The following TENM2 variants were observed in gnomAD, a reference collection of about 807,000 sequenced individuals.
The protein encoded by TENM2 is teneurin transmembrane protein 2, also known as teneurin-2.
Under a neutral mutation model 245.2 loss-of-function variants are expected in TENM2, and 52 were observed. The observed-to-expected ratio is 0.21, with a 90% CI of 0.17 to 0.27. TENM2 has a LOEUF of 0.27. Among genes scored for constraint, TENM2 ranks in the 10% least tolerant of loss-of-function variants. TENM2 has a pLI of 1.00. For missense variants in TENM2, 3,046 were observed against 3,666.8 expected (o/e 0.83, Z 4.37); for synonymous variants, 1,363 against 1,438.9 (o/e 0.95, Z 1.19).
chr5:167,216,444 C>T, the TENM2 span, among the ~76,000 whole-genome samples: 1 of 152,158 alleles, frequency 6.6e-6, no homozygotes, highest in South Asian at 2.1e-4. Flanking sequence ...TATTTAGTCT[C>T]CTCTTCTGCA....
the TENM2 span, among the ~76,000 whole-genome samples, chr5:167,233,055 G>A: frequency 6.6e-6 from 1 of 152,158 alleles, no homozygotes; most frequent in African/African-American, 2.4e-5. Flanking sequence ...ACAGTGTCAG[G>A]TAGCATATGC....
At position 167,586,292 on chromosome 5, in the gene TENM2, A is replaced by C. The variant is rs557959139; in HGVS notation, c.502+210819A>C. ...TATGTAGGTTATACGCAAATACTGC[A>C]CCAGTTTATTTGAGGGACTTGAGCA... On this transcript the variant is annotated intron_variant, in intron 2 of 28. Coordinates refer to ENST00000518659, the Ensembl canonical transcript of TENM2. Among the ~76,000 whole-genome samples the C allele has an allele frequency of 4.6e-5, 7 of 152,318 alleles. No homozygotes were observed. The South Asian group carries it at 1.4e-3, about 32-fold the overall frequency.
chr5:168,218,233 A>C lies in TENM2; in HGVS notation c.4342A>C (p.Ile1448Leu). The stretch of plus-strand genomic sequence containing the variant: ...AATCACCGAGAACCACCAAGTCAGC[A>C]TCATTGCGGGACGCCCCATGCACTG... Residue 1448 changes from isoleucine (I) to leucine (L), a missense_variant, in exon 23 of 29, where the codon ATC becomes CTC. Ile to Leu is a conservative substitution (Grantham distance 5, BLOSUM62 2). Transcript: ENST00000518659. This position sits in a 1 kb window ranked among gnomAD's most constrained non-coding sequence, Gnocchi z 5.2. 1 of 1,613,846 alleles carries C rather than the reference A, an allele frequency of 6.2e-7. No homozygotes were observed. Among genetic ancestry groups the C allele is most frequent in the South Asian group, 1.1e-5 (1 of 91,056 alleles).
chr5:167,486,561 C>T (rs929006919), intron 2 of TENM2, among the ~76,000 whole-genome samples: 3 of 152,112 alleles, frequency 2.0e-5, no homozygotes, highest in Non-Finnish European at 4.4e-5. Flanking sequence ...ATCTCCTGAC[C>T]TTGTGATCTG....
intron 9 of TENM2, among the ~76,000 whole-genome samples, chr5:168,103,934 C>T (rs950843352): frequency 6.6e-6 from 1 of 152,218 alleles, no homozygotes; most frequent in African/African-American, 2.4e-5. Context: ...ACCTGAGTCT[C>T]CTGCTCCCCA....
At chr5:167,123,074 G>C in the TENM2 span, among the ~76,000 whole-genome samples, 1 of 151,320 alleles carries the variant, frequency 6.6e-6, no homozygotes, top group African/African-American at 2.4e-5. Context: ...AAGGCGAGTG[G>C]ATCACCTGGG....
At chr5:166,982,885 T>C in the TENM2 span, among the ~76,000 whole-genome samples, 1 of 152,084 alleles carries the variant, frequency 6.6e-6, no homozygotes, top group Non-Finnish European at 1.5e-5. Context: ...AACTACATAA[T>C]ACTCTGCTTT....
At chr5:167,278,599 T>C in the TENM2 span, among the ~76,000 whole-genome samples, 1 of 152,202 alleles carries the variant, frequency 6.6e-6, no homozygotes, top group African/African-American at 2.4e-5. Context: ...CATCTCTTTG[T>C]ATAGCTTTTG....
intron 2 of TENM2, among the ~76,000 whole-genome samples, chr5:167,442,583 G>GA (rs141049715): frequency 0.42 from 62,310 of 149,234 alleles, 13,833 homozygotes; most frequent in East Asian, 0.65. Flanking sequence ...AATTTTATCA[G>GA]AAAAAAAAAA....
chr5:167,637,199 C>T (rs1416406130), intron 2 of TENM2, among the ~76,000 whole-genome samples: 1 of 152,092 alleles, frequency 6.6e-6, no homozygotes, highest in East Asian at 1.9e-4. Context: ...GTTGCTGTTG[C>T]TATCTGTATT....
At chr5:167,934,682 AG>A (rs2151726309) in intron 3 of TENM2, among the ~76,000 whole-genome samples, 1 of 152,292 alleles carries the variant, frequency 6.6e-6, no homozygotes, top group African/African-American at 2.4e-5. Context: ...GATCCCTGGG[AG>A]GGAAGACAAA....
intron 13 of TENM2, among the ~76,000 whole-genome samples, chr5:168,183,376 C>G (rs942169973): frequency 1.4e-5 from 2 of 146,358 alleles, no homozygotes; most frequent in Admixed American, 6.7e-5. Context: ...AGCCAGGGGC[C>G]CAGCACAAAA....
chr5:167,466,041 G>T (rs191789047), intron 2 of TENM2, among the ~76,000 whole-genome samples: 1 of 152,112 alleles, frequency 6.6e-6, no homozygotes, highest in East Asian at 1.9e-4. Context: ...CTGACTTCAG[G>T]TTTAGACTTC....
chr5:167,647,167 G>A (rs1185594260), intron 2 of TENM2, among the ~76,000 whole-genome samples: 1 of 152,130 alleles, frequency 6.6e-6, no homozygotes, highest in Non-Finnish European at 1.5e-5. Flanking sequence ...GACTGCAGAA[G>A]AGACATAAAT....
chr5:168,176,079 C>T (rs1759330878), intron 13 of TENM2, among the ~76,000 whole-genome samples: 1 of 152,218 alleles, frequency 6.6e-6, no homozygotes, highest in Non-Finnish European at 1.5e-5. Flanking sequence ...ATCCTTAAGG[C>T]CATGATTTCT....
chr5:168,026,570 T>C (rs1017309644), intron 5 of TENM2, among the ~76,000 whole-genome samples: 2 of 152,176 alleles, frequency 1.3e-5, no homozygotes, highest in African/African-American at 4.8e-5. Flanking sequence ...TGTTTCCTGG[T>C]ACAAGGAAAG....
At chr5:167,158,039 T>C in the TENM2 span, among the ~76,000 whole-genome samples, 1 of 152,236 alleles carries the variant, frequency 6.6e-6, no homozygotes, top group Non-Finnish European at 1.5e-5. Context: ...CATTTCTCTT[T>C]TTTTAACTTT....
the TENM2 span, among the ~76,000 whole-genome samples, chr5:167,272,891 G>A: frequency 6.6e-6 from 1 of 152,116 alleles, no homozygotes; most frequent in South Asian, 2.1e-4. Context: ...TTCTGACAGG[G>A]AAAACATGGA....
chr5:168,034,567 C>T (rs964805730), intron 5 of TENM2, among the ~76,000 whole-genome samples: 16 of 151,290 alleles, frequency 1.1e-4, no homozygotes, highest in Non-Finnish European at 2.4e-4. Context: ...CCCCCACCCC[C>T]CGCCATCTCT....
Sources: gnomAD v4.1 joint callset for allele counts (sites outside exome capture counted in the v4.1 genomes callset) on GRCh38, gnomAD v4.1.1 for gene constraint, Gnocchi (gnomAD v3.1) non-coding constraint, MANE v1.5 for transcripts, NCBI Gene and HGNC (gene_info 2026-07-23, HGNC 2026-07-21) for gene names.